Variants in MYO3A observed in about 807,000 individuals in gnomAD.
MYO3A encodes the protein myosin-IIIa.
Under a neutral mutation model 192.7 loss-of-function variants are expected in MYO3A, and 180 were observed. That is an observed-to-expected ratio of 0.93 (90% CI 0.83 to 1.06). MYO3A has a LOEUF of 1.06. MYO3A is among the 50% of genes least tolerant of loss of function. The pLI, the probability that MYO3A is intolerant of heterozygous loss-of-function variation, is 0.00. For synonymous variants in MYO3A, 628 were observed against 645.3 expected, an observed-to-expected ratio of 0.97 and a Z score of 0.41; for missense variants, 1,896 against 1,905.0, an observed-to-expected ratio of 1.00 and a Z score of 0.09.
chr10:26,155,270 G>A (rs1454243430), intron 25 of MYO3A, among the ~76,000 whole-genome samples: 3 of 152,176 alleles, frequency 2.0e-5, no homozygotes, highest in Non-Finnish European at 4.4e-5. Flanking sequence ...GCCCGTGTAG[G>A]AATGGTGCGA....
chr10:26,064,149 G>T (rs57687518), intron 10 of MYO3A, among the ~76,000 whole-genome samples: 2 of 152,120 alleles, frequency 1.3e-5, no homozygotes, highest in Non-Finnish European at 2.9e-5. Flanking sequence ...AGCAGGAAAA[G>T]GGTGATGAGA....
At chr10:25,991,788 T>C (rs1365459484) in intron 4 of MYO3A, among the ~76,000 whole-genome samples, 1 of 151,956 alleles carries the variant, frequency 6.6e-6, no homozygotes, top group Non-Finnish European at 1.5e-5. Context: ...CCCCATTGCT[T>C]GTTTTTGTCG....
intron 17 of MYO3A, among the ~76,000 whole-genome samples, chr10:26,108,103 G>A (rs1837940125): frequency 6.6e-6 from 1 of 151,988 alleles, no homozygotes. Context: ...TGTTTAATAG[G>A]GACGCCTAAG....
chr10:26,120,939 A>G, intron 18 of MYO3A, 137 bp downstream of exon 18: 1 of 1,165,690 alleles, frequency 8.6e-7, no homozygotes, highest in Admixed American at 2.3e-5. Flanking sequence ...AATGTGTGTA[A>G]AATTAAAATT....
rs540477271 is a variant in MYO3A, at chr10:26,133,951, A to T, written c.2262+5413A>T. 5.9e-5 allele frequency among the ~76,000 whole-genome samples: 9 copies of T among 152,320 alleles called. No homozygotes were observed. The South Asian group carries it at 1.9e-3, about 32-fold the overall frequency. ...ATAGTTTAAGGTGAAAGAGATCCTG[A>T]TATACAGAACACTGTATTTCTGAAT... On this transcript the variant is annotated intron_variant, in intron 20 of 34. Transcript: ENST00000642920.
intron 25 of MYO3A, among the ~76,000 whole-genome samples, chr10:26,157,032 C>A (rs1320672761): frequency 6.6e-6 from 1 of 152,098 alleles, no homozygotes; most frequent in African/African-American, 2.4e-5. Context: ...ATAATTTTAT[C>A]TGTTAATTAA....
intron 34 of MYO3A, among the ~76,000 whole-genome samples, chr10:26,206,549 A>T (rs993819518): frequency 3.3e-5 from 5 of 151,838 alleles, no homozygotes; most frequent in Non-Finnish European, 2.9e-5. Context: ...CCCAGGTTCA[A>T]GTGATTCTCC....
chr10:26,103,130 A>G (rs1020733101), intron 17 of MYO3A, among the ~76,000 whole-genome samples: 1 of 152,120 alleles, frequency 6.6e-6, no homozygotes, highest in Admixed American at 6.5e-5. Flanking sequence ...TTGCAGTTCA[A>G]TCTCAGACTG....
chr10:26,097,973 A>G (rs1227202443), intron 17 of MYO3A, among the ~76,000 whole-genome samples: 1 of 152,182 alleles, frequency 6.6e-6, no homozygotes, highest in East Asian at 1.9e-4. Flanking sequence ...CTAGTTCTAG[A>G]TCCTTGAGGA....
intron 4 of MYO3A, among the ~76,000 whole-genome samples, chr10:25,984,219 T>G (rs1277895720): frequency 6.6e-6 from 1 of 152,160 alleles, no homozygotes; most frequent in East Asian, 1.9e-4. Context: ...ATCAAGGTAT[T>G]CAGGCAACAA....
In MYO3A at chr10:26,168,823, T is replaced by C. The variant is rs767206365; in HGVS notation, c.3223T>C (p.Tyr1075His). The C allele has an allele frequency of 6.8e-6, 11 of 1,612,688 alleles. No homozygotes were observed. Among genetic ancestry groups the C allele is most frequent in the Non-Finnish European group, 9.3e-6 (11 of 1,179,572 alleles). ...CAGAGCATTCTTGTGTTCAAGAAGA[T>C]ACCAAAAAATACAGGAGAAAAGGAA... ...CVRAFLCSRR[Y>H]QKIQEKRKES... Residue 1075 changes from tyrosine to histidine, a missense_variant, in exon 28 of 35, where the codon TAC (tyrosine) becomes CAC (histidine). By Grantham distance (83) the Tyr-to-His change is moderately conservative (BLOSUM62 2). Coordinates refer to ENST00000642920, the MANE Select transcript of MYO3A (RefSeq NM_017433.5).
In MYO3A at chr10:26,128,475, C is replaced by T. The variant is rs766203325; in HGVS notation, c.2199C>T (p.Cys733=). The T allele has an allele frequency of 6.2e-7, 1 of 1,612,518 alleles. No individual in the cohort carries two copies. Among genetic ancestry groups the T allele is most frequent in the South Asian group, 1.1e-5 (1 of 91,042 alleles). Reference sequence around the variant, plus strand: ...AAAAAAATTCCTTCGAGCAGCTGTGCATTAACATTGCAAATGAACAAATTC... The same window carrying T: ...AAAAAAATTCCTTCGAGCAGCTGTGTATTAACATTGCAAATGAACAAATTC... ...NFKKNSFEQL[C]INIANEQIQY... Residue 733 remains cysteine (C), a synonymous_variant, in exon 20 of 35, where the codon TGC becomes TGT. Transcript: ENST00000642920.
chr10:25,960,486 C>T (rs1230572767), intron 4 of MYO3A, among the ~76,000 whole-genome samples: 1 of 152,072 alleles, frequency 6.6e-6, no homozygotes, highest in Non-Finnish European at 1.5e-5. Context: ...TAATAGTCTA[C>T]TGTTGACCAG....
chr10:25,966,762 A>C (rs879320184), intron 4 of MYO3A, among the ~76,000 whole-genome samples: 1 of 152,208 alleles, frequency 6.6e-6, no homozygotes, highest in Admixed American at 6.5e-5. Context: ...AAGAAACTCT[A>C]TCAGAGGTTC....
intron 4 of MYO3A, among the ~76,000 whole-genome samples, chr10:25,973,853 T>C (rs1016581019): frequency 2.6e-5 from 4 of 152,178 alleles, no homozygotes; most frequent in Non-Finnish European, 4.4e-5. Flanking sequence ...GGATTCCCTA[T>C]TTAATAAATG....
At chr10:26,144,372 G>A (rs964429123) in intron 21 of MYO3A, among the ~76,000 whole-genome samples, 17 of 151,852 alleles carry the variant, frequency 1.1e-4, no homozygotes, top group Non-Finnish European at 2.1e-4. Flanking sequence ...GACATGTAGA[G>A]CCTCTTTCTT....
chr10:26,123,954 A>C (rs2131722309), intron 18 of MYO3A, among the ~76,000 whole-genome samples: 1 of 151,810 alleles, frequency 6.6e-6, no homozygotes, highest in East Asian at 1.9e-4. Flanking sequence ...AAACAAACAA[A>C]AAAGACCTTT....
chr10:26,205,374 C>T (rs1198848369), intron 34 of MYO3A, among the ~76,000 whole-genome samples: 1 of 151,090 alleles, frequency 6.6e-6, no homozygotes. Flanking sequence ...GCCTAACTGA[C>T]ATTTTGTATC....
At chr10:26,102,357 A>G (rs191445720) in intron 17 of MYO3A, among the ~76,000 whole-genome samples, 99 of 152,244 alleles carry the variant, frequency 6.5e-4, no homozygotes, top group Non-Finnish European at 1.3e-3. Context: ...TTTAGCTCGG[A>G]GAAGTCTGTT....
Sources: allele counts gnomAD v4.1 joint callset (sites outside exome capture counted in the v4.1 genomes callset), GRCh38; gene constraint gnomAD v4.1.1; transcripts MANE v1.5; gene names NCBI Gene and HGNC (gene_info 2026-07-23, HGNC 2026-07-21).